The following PACRG variants were observed in gnomAD, a reference collection of about 807,000 sequenced individuals.
PACRG encodes the protein parkin coregulated, also known as parkin coregulated gene protein.
In PACRG, 29 loss-of-function variants were observed where a neutral mutation model predicts 29.7. The observed-to-expected ratio is 0.98, with a 90% CI of 0.73 to 1.33. The LOEUF (loss-of-function observed/expected upper bound fraction) is 1.33, where lower values mean the gene tolerates loss of function less well. PACRG is among the 40% of genes most tolerant of loss of function. The probability of loss-of-function intolerance (pLI) is 0.00; values close to 1 mark genes in which losing one functional copy is unlikely to be tolerated. For synonymous variants in PACRG, 116 were observed against 118.7 expected (o/e 0.98, Z 0.15); for missense variants, 279 against 316.2 (o/e 0.88, Z 0.89).
rs188701839 is a variant in PACRG, at chr6:162,958,520, G to C, written c.292-103630G>C. Among the ~76,000 whole-genome samples the C allele has an allele frequency of 4.2e-3, 643 of 152,062 alleles. 2 individuals carry two copies. Among genetic ancestry groups the C allele is most frequent in the African/African-American group, 0.015 (619 of 41,472 alleles). On this transcript the variant is annotated intron_variant, in intron 2 of 4. Coordinates refer to ENST00000366888, the MANE Select transcript of PACRG (RefSeq NM_001080379.2). ...TACCTGACCTATGGTGGTCATTTTA[G>C]TTGTAGCATCTGTTCCATTTATCCA... is the stretch of plus-strand genomic sequence containing the variant.
intron 4 of PACRG, among the ~76,000 whole-genome samples, chr6:163,234,565 G>A (rs9458760): frequency 0.42 from 63,023 of 151,854 alleles, 14,077 homozygotes; most frequent in African/African-American, 0.58. Flanking sequence ...ATCCAGCCTC[G>A]GCATTCCTTT....
At chr6:163,216,394 G>A (rs1233065684) in intron 4 of PACRG, among the ~76,000 whole-genome samples, 3 of 152,196 alleles carry the variant, frequency 2.0e-5, no homozygotes, top group Admixed American at 6.5e-5. Context: ...GCAGAAGACA[G>A]TAATGAAACC....
At chr6:163,257,643 AC>A (rs1783167686) in intron 4 of PACRG, among the ~76,000 whole-genome samples, 1 of 152,190 alleles carries the variant, frequency 6.6e-6, no homozygotes, top group South Asian at 2.1e-4. Context: ...TTTGCTTGAG[AC>A]AATATTTTCC....
At chr6:163,019,899 A>G (rs187477498) in intron 2 of PACRG, among the ~76,000 whole-genome samples, 1 of 152,356 alleles carries the variant, frequency 6.6e-6, no homozygotes, top group African/African-American at 2.4e-5. Context: ...CCAGGCTAAA[A>G]GCAGCAGATA....
chr6:162,727,568 G>A, upstream of PACRG: 1 of 1,329,680 alleles, frequency 7.5e-7, no homozygotes, highest in Non-Finnish European at 1.1e-6. Context: ...TTGACAGTTG[G>A]CACCGGGGGT....
At chr6:163,206,562 G>C (rs1005000873) in intron 4 of PACRG, among the ~76,000 whole-genome samples, 2 of 152,114 alleles carry the variant, frequency 1.3e-5, no homozygotes, top group African/African-American at 4.8e-5. Flanking sequence ...CTGGAGGCTG[G>C]GAGAAGGGAG....
intron 2 of PACRG, among the ~76,000 whole-genome samples, chr6:163,039,529 T>C (rs1808499420): frequency 6.6e-6 from 1 of 152,210 alleles, no homozygotes; most frequent in Non-Finnish European, 1.5e-5. Flanking sequence ...ACTTGTTGAA[T>C]GGTTTTGACC....
chr6:163,133,694 T>C (rs1405040341), intron 4 of PACRG, among the ~76,000 whole-genome samples: 1 of 152,188 alleles, frequency 6.6e-6, no homozygotes, highest in African/African-American at 2.4e-5. Context: ...AAAATGGAAA[T>C]GTGGAGCTCT....
chr6:162,807,073 A>G (rs1237845527), intron 1 of PACRG, among the ~76,000 whole-genome samples: 3 of 152,262 alleles, frequency 2.0e-5, no homozygotes, highest in African/African-American at 7.2e-5. Context: ...AACCTCTACT[A>G]GCTTCACACT....
intron 2 of PACRG, among the ~76,000 whole-genome samples, chr6:163,024,576 A>G (rs1452272449): frequency 6.6e-6 from 1 of 152,142 alleles, no homozygotes; most frequent in Non-Finnish European, 1.5e-5. Context: ...TTGGTTCCAT[A>G]TGAATTTTAG....
intron 2 of PACRG, among the ~76,000 whole-genome samples, chr6:162,955,424 C>T (rs959473516): frequency 5.3e-4 from 80 of 152,116 alleles, no homozygotes; most frequent in Admixed American, 2.6e-3. Context: ...CTCAGCCTCC[C>T]GAGTAGCTGG....
At chr6:162,865,489 G>A (rs1353211868) in intron 2 of PACRG, among the ~76,000 whole-genome samples, 2 of 151,928 alleles carry the variant, frequency 1.3e-5, no homozygotes, top group South Asian at 2.1e-4. Context: ...ATTAAGTTTC[G>A]ACTACATGGA....
rs556386137 is a variant in PACRG at position 163,183,668 on chromosome 6, A to T, written c.613+94260A>T. ...AGATGTATGTGTGGTCACTCCTTTT[A>T]TTAGGGTTTTTAAGCTAATCAGTAG... On this transcript the variant is annotated intron_variant, in intron 4 of 4. Coordinates refer to ENST00000366888, the MANE Select transcript of PACRG (RefSeq NM_001080379.2). 1.6e-3 allele frequency: 241 copies of T among 152,356 alleles called. 2 individuals carry two copies. Among genetic ancestry groups the T allele is most frequent in the African/African-American group, 5.4e-3 (225 of 41,588 alleles). The allele number at this position is 152,356 out of a possible 1,614,324, so 9.4% of individuals were successfully genotyped here. A position where few individuals can be genotyped will look rare whatever the true frequency, so the allele number is the denominator to read the frequency against.
intron 4 of PACRG, among the ~76,000 whole-genome samples, chr6:163,279,236 G>C (rs562481290): frequency 6.6e-6 from 1 of 152,226 alleles, no homozygotes; most frequent in African/African-American, 2.4e-5. Flanking sequence ...AAGCTTTTTG[G>C]ATGAGTCTTG....
chr6:162,813,606 G>A (rs1434085929), intron 1 of PACRG, among the ~76,000 whole-genome samples: 4 of 151,798 alleles, frequency 2.6e-5, no homozygotes, highest in Non-Finnish European at 5.9e-5. Context: ...ACACATAGTA[G>A]GCCACCTTTT....
intron 2 of PACRG, among the ~76,000 whole-genome samples, chr6:162,978,995 C>T (rs1802187758): frequency 6.6e-6 from 1 of 152,114 alleles, no homozygotes; most frequent in South Asian, 2.1e-4. Context: ...CCCTGTTCTC[C>T]AGTCTCCTAG....
intron 2 of PACRG, among the ~76,000 whole-genome samples, chr6:162,980,445 GT>G (rs1485359284): frequency 5.9e-5 from 9 of 152,118 alleles, no homozygotes; most frequent in Non-Finnish European, 1.0e-4. Context: ...CTACCATGAT[GT>G]TTTTCTACCA....
chr6:163,013,331 A>G (rs1338281308), intron 2 of PACRG, among the ~76,000 whole-genome samples: 1 of 151,626 alleles, frequency 6.6e-6, no homozygotes, highest in African/African-American at 2.4e-5. Flanking sequence ...ACGCCAATGG[A>G]GTGTAAAAGT....
intron 4 of PACRG, among the ~76,000 whole-genome samples, chr6:163,175,063 A>G (rs1029905307): frequency 3.3e-5 from 5 of 152,098 alleles, no homozygotes; most frequent in African/African-American, 1.2e-4. Context: ...AACTTTCTTA[A>G]TCTCCAATAG....
Sources: allele counts gnomAD v4.1 joint callset (sites outside exome capture counted in the v4.1 genomes callset), GRCh38; gene constraint gnomAD v4.1.1; transcripts MANE v1.5; gene names NCBI Gene and HGNC (gene_info 2026-07-23, HGNC 2026-07-21).